The following ITGB4 variants were observed in gnomAD, a reference collection of about 807,000 sequenced individuals.
The protein encoded by ITGB4 is integrin subunit beta 4, also known as integrin beta-4.
A neutral mutation model predicts 207.6 loss-of-function variants in ITGB4; 159 were observed. The ratio of observed to expected loss-of-function variants is 0.77; its 90% CI spans 0.67 to 0.87. The LOEUF is 0.87. ITGB4 is among the 40% of genes least tolerant of loss of function. The pLI is 0.00. For synonymous variants in ITGB4, 1,020 were observed against 1,062.7 expected, an observed-to-expected ratio of 0.96 and a Z score of 0.78; for missense variants, 2,278 against 2,546.8, an observed-to-expected ratio of 0.89 and a Z score of 2.27.
At position 75,754,803 on chromosome 17, in the gene ITGB4, G is replaced by A. The variant is rs771555970; in HGVS notation, c.4546G>A (p.Val1516Ile). The A allele has an allele frequency of 1.3e-5, 21 of 1,613,828 alleles. No individual in the cohort carries two copies. In the East Asian group the frequency reaches 3.8e-4, roughly 29 times the overall value. ...CAGGGACTACTCCACCCTCACCTCC[G>A]TCTCCTCCCACGGTGAGTGACCTCA... The part of the protein sequence containing the change: ...LPRDYSTLTS[V>I]SSHDSRLTAG... The change falls in exon 34 of 40, where the codon GTC (valine) becomes ATC (isoleucine). Residue 1516 changes from valine (V) to isoleucine (I), a missense_variant. Physicochemically the swap from Val to Ile is conservative, Grantham distance 29. Transcript: ENST00000200181.
chr17:75,743,469 G>A lies in ITGB4; in HGVS notation c.2963-244G>A, dbSNP rs189216431. ...GCTGGTCTCGAACTCCTGACCTCAG[G>A]TGATCCACCTGCCTCAGCCTCCCAA... On this transcript the variant is annotated intron_variant, in intron 25 of 39. Coordinates refer to ENST00000200181, the MANE Select transcript of ITGB4 (RefSeq NM_000213.5). Among the ~76,000 whole-genome samples, 171 of 152,300 alleles carry A rather than the reference G, an allele frequency of 1.1e-3. No homozygotes were observed. In the Middle Eastern group the frequency reaches 0.014, roughly 12 times the overall value.
chr17:75,753,729 C>T (rs753409245), intron 32 of ITGB4, 36 bp from the exon 33 acceptor site: 47 of 1,350,240 alleles, frequency 3.5e-5, no homozygotes, highest in Non-Finnish European at 4.3e-5. Flanking sequence ...CCGGCGCCCC[C>T]CGGCGGTGCC....
rs374125957 is a variant in ITGB4, at chr17:75,731,682, A to C, written c.1216-130A>C. On this transcript the variant is annotated intron_variant, in intron 10 of 39. Transcript: ENST00000200181. This position sits in a 1 kb window ranked among gnomAD's most constrained non-coding sequence, Gnocchi z 6.8. Reference sequence around the variant, plus strand: ...AGGAGGGAGTTTCCAGCCCTGAGGGAGGTGAGCAGGAGCTCATTTCAGGGA... The same window carrying C: ...AGGAGGGAGTTTCCAGCCCTGAGGGCGGTGAGCAGGAGCTCATTTCAGGGA... 1.9e-3 allele frequency: 1,905 copies of C among 1,010,530 alleles called. 9 individuals are homozygous for C. The highest frequency in any genetic ancestry group is 6.9e-3 in the South Asian group (410 of 59,330). 62.6% of individuals were successfully genotyped at this position (1,010,530 alleles called of 1,614,324 possible). A position where few individuals can be genotyped will look rare whatever the true frequency, so the allele number is the denominator to read the frequency against.
intron 32 of ITGB4, 52 bp from the exon 33 acceptor site, chr17:75,753,713 C>T: frequency 7.9e-7 from 1 of 1,263,410 alleles, no homozygotes; most frequent in Non-Finnish European, 1.0e-6. Context: ...CCTGGCCCTG[C>T]TCGGCCCGGC....
intron 26 of ITGB4, among the ~76,000 whole-genome samples, chr17:75,745,215 A>G (rs1239571461): frequency 6.6e-6 from 1 of 152,082 alleles, no homozygotes; most frequent in African/African-American, 2.4e-5. Context: ...CAACGTGGTG[A>G]GACCATGTCT....
In ITGB4 at chr17:75,750,122, CG is replaced by C; in HGVS notation, c.3330del (p.Ser1111AlafsTer49). On this transcript the variant is annotated frameshift_variant, in exon 28 of 40. Transcript: ENST00000200181. LOFTEE classifies it high-confidence loss of function. This position sits in a 1 kb window ranked among gnomAD's most constrained non-coding sequence, Gnocchi z 5.5. ...ACCTGACCCGTTAGATGAACTGGAC[CG>C]GAGCTTCACGAGTCAGATGTTGTCA... Reference protein sequence around the residue: ...IIIRDPDELDRSFTSQMLSSQ... With the variant: ...IIIRDPDELDXSFTSQMLSSQ... The C allele has an allele frequency of 6.2e-7, 1 of 1,613,606 alleles. No homozygotes were observed. The highest frequency in any genetic ancestry group is 8.5e-7 in the Non-Finnish European group (1 of 1,180,004).
At position 75,729,445 on chromosome 17, in the gene ITGB4, T is replaced by C. The variant is rs373192148; in HGVS notation, c.738+9T>C. The C allele has an allele frequency of 1.2e-6, 2 of 1,613,142 alleles. No individual in the cohort carries two copies. Among genetic ancestry groups the C allele is most frequent in the Non-Finnish European group, 1.7e-6 (2 of 1,179,504 alleles). On this transcript the variant is annotated intron_variant, in intron 7 of 39. Coordinates refer to ENST00000200181, the MANE Select transcript of ITGB4 (RefSeq NM_000213.5). The surrounding 1 kb of genome is among the most constrained non-coding windows in gnomAD (Gnocchi z 4.4). ...AGACAGCTGTGTGCACGGTGGGCAC[T>C]GGGAAGGGTGCTGCCAGCCTAGGCC...
At chr17:75,745,132 C>T (rs1296367466) in intron 26 of ITGB4, among the ~76,000 whole-genome samples, 1 of 152,118 alleles carries the variant, frequency 6.6e-6, no homozygotes, top group Non-Finnish European at 1.5e-5. Context: ...GTGGCTCACA[C>T]CTGTAATCCC....
At chr17:75,735,302 G>T (rs1029668107) in intron 13 of ITGB4, among the ~76,000 whole-genome samples, 1 of 152,060 alleles carries the variant, frequency 6.6e-6, no homozygotes, top group Non-Finnish European at 1.5e-5. Flanking sequence ...TGGCCAGGCT[G>T]GTCTTGAACT....
At chr17:75,741,223 G>A in intron 23 of ITGB4, 1 of 644,238 alleles carries the variant, frequency 1.6e-6, no homozygotes, top group Non-Finnish European at 2.8e-6. Context: ...ACTAGAGCAG[G>A]CAAAAGCAAA....
intron 5 of ITGB4, 23 bp from the exon 6 acceptor site, chr17:75,728,354 C>G (rs201560446): frequency 6.2e-7 from 1 of 1,609,372 alleles, no homozygotes; most frequent in Non-Finnish European, 8.5e-7. Flanking sequence ...CAGCTATCCC[C>G]TCTCTGTCCT....
At chr17:75,752,684 G>A in intron 32 of ITGB4, 107 bp downstream of exon 32, 2 of 1,418,654 alleles carry the variant, frequency 1.4e-6, no homozygotes, top group African/African-American at 1.4e-5. Flanking sequence ...AGGACATGGA[G>A]GTTAAGGCAG....
Position 75,736,039 on chromosome 17 carries a change from C to T in ITGB4, c.1658-12C>T, listed in dbSNP as rs1421970376. The T allele has an allele frequency of 1.9e-6, 3 of 1,612,832 alleles. No individual in the cohort carries two copies. Among genetic ancestry groups the T allele is most frequent in the South Asian group, 2.2e-5 (2 of 91,076 alleles). On this transcript the variant is annotated splice_polypyrimidine_tract_variant and intron_variant, in intron 13 of 39. Coordinates refer to ENST00000200181, the MANE Select transcript of ITGB4 (RefSeq NM_000213.5). ...TGTAGCTCTCATCTCCCTTCCTTGT[C>T]CCTCTCTGCAGACCGAGGACGCTGC...
At position 75,736,706 on chromosome 17, in the gene ITGB4, G is replaced by A. The variant is rs773797842; in HGVS notation, c.1990+12G>A. The A allele has an allele frequency of 6.3e-7, 1 of 1,589,906 alleles. No individual in the cohort carries two copies. Among genetic ancestry groups the A allele is most frequent in the Non-Finnish European group, 8.5e-7 (1 of 1,169,670 alleles). Reference sequence around the variant, plus strand: ...CGAGCTTAAGAGAGGTAGGGGCAGGGGCTGAGGGTTGGGGTTGCTGAGAGC... The same window carrying A: ...CGAGCTTAAGAGAGGTAGGGGCAGGAGCTGAGGGTTGGGGTTGCTGAGAGC... On this transcript the variant is annotated intron_variant, in intron 16 of 39. Coordinates refer to ENST00000200181, the MANE Select transcript of ITGB4 (RefSeq NM_000213.5).
At chr17:75,728,766 C>T (rs565048797) in intron 6 of ITGB4, among the ~76,000 whole-genome samples, 1 of 152,004 alleles carries the variant, frequency 6.6e-6, no homozygotes, top group Non-Finnish European at 1.5e-5. Context: ...GGGTGGATCA[C>T]GAGGTCAGGA....
At chr17:75,725,245 T>A (rs959382142) in intron 2 of ITGB4, among the ~76,000 whole-genome samples, 15 of 152,192 alleles carry the variant, frequency 9.9e-5, no homozygotes, top group African/African-American at 3.6e-4. Context: ...CAGAAATGTT[T>A]ACACCACAGA....
chr17:75,744,678 A>G (rs2061195463), intron 26 of ITGB4, among the ~76,000 whole-genome samples: 1 of 152,236 alleles, frequency 6.6e-6, no homozygotes, highest in Admixed American at 6.5e-5. Flanking sequence ...CTGGACCAGC[A>G]TCACCTTCAC....
chr17:75,728,892 G>A (rs1034648908), intron 6 of ITGB4, among the ~76,000 whole-genome samples: 1 of 151,622 alleles, frequency 6.6e-6, no homozygotes, highest in Non-Finnish European at 1.5e-5. Context: ...GCTGAGGCAG[G>A]AGAATGGCGT....
In ITGB4 at chr17:75,751,071, A is replaced by G; in HGVS notation, c.3753A>G (p.Thr1251=). The G allele has an allele frequency of 6.2e-7, 1 of 1,613,922 alleles. No individual in the cohort carries two copies. Among genetic ancestry groups the G allele is most frequent in the Non-Finnish European group, 8.5e-7 (1 of 1,180,038 alleles). The change falls in exon 30 of 40, where the codon ACA becomes ACG. Residue 1251 remains threonine, a synonymous_variant. Transcript: ENST00000200181. The part of the protein sequence containing the change: ...AEPAETNGEI[T]AYEVCYGLVN... ...CGGCTGAGACCAACGGTGAGATCAC[A>G]GCCTACGAGGTCTGCTATGGCCTGG...
Sources: gnomAD v4.1 joint callset for allele counts (sites outside exome capture counted in the v4.1 genomes callset) on GRCh38, gnomAD v4.1.1 for gene constraint, Gnocchi (gnomAD v3.1) non-coding constraint, MANE v1.5 for transcripts, NCBI Gene and HGNC (gene_info 2026-07-23, HGNC 2026-07-21) for gene names.